KLHL25: variants seen among roughly 807,000 people sequenced by gnomAD.
KLHL25 encodes the protein kelch-like protein 25.
Under a neutral mutation model 30.0 loss-of-function variants are expected in KLHL25, and 41 were observed. That is an observed-to-expected ratio of 1.37 (90% confidence interval 1.07 to 1.78). The LOEUF is 1.78. Ranked by LOEUF, KLHL25 falls within the 40% of genes most tolerant of loss-of-function variation. The pLI is 0.00. For synonymous variants in KLHL25, 399 were observed against 355.3 expected (o/e 1.12, Z -1.38); for missense variants, 971 against 824.5 (o/e 1.18, Z -2.18).
intron 1 of KLHL25, among the ~76,000 whole-genome samples, chr15:85,792,817 G>A (rs1261898994): frequency 6.6e-6 from 1 of 152,116 alleles, no homozygotes; most frequent in African/African-American, 2.4e-5. Context: ...CTCTCCCCAG[G>A]AAGCCTTGCC....
intron 1 of KLHL25, among the ~76,000 whole-genome samples, chr15:85,786,004 G>C (rs2089778779): frequency 8.6e-6 from 1 of 116,706 alleles, no homozygotes; most frequent in African/African-American, 3.3e-5. Context: ...ACCAGCTCTA[G>C]AGTGAGATGC....
At chr15:85,782,340 T>C (rs958725554) in intron 1 of KLHL25, among the ~76,000 whole-genome samples, 1 of 152,038 alleles carries the variant, frequency 6.6e-6, no homozygotes, top group Non-Finnish European at 1.5e-5. Flanking sequence ...CAGGCCAGGT[T>C]ATGGTCAGGC....
At chr15:85,767,312 G>A (rs1178388979) in intron 2 of KLHL25, among the ~76,000 whole-genome samples, 3 of 151,998 alleles carry the variant, frequency 2.0e-5, no homozygotes, top group Non-Finnish European at 4.4e-5. Flanking sequence ...ACATTGCCCA[G>A]GCTGGTCTTG....
rs1321167490 is a variant in KLHL25 at position 85,768,466 on chromosome 15, A to C, written c.1345T>G (p.Phe449Val). ...TCCCGGTGGATGCTGGTTCCTCCGA[A>C]AACAAAGAGCTTCAGCTTGGCACTC... Reference protein sequence around the residue: ...VVSAKLKLFVFGGTSIHRDMV... With the variant: ...VVSAKLKLFVVGGTSIHRDMV... The change falls in exon 2 of 3, where the codon TTC (phenylalanine) becomes GTC (valine). Residue 449 changes from phenylalanine (F) to valine (V), a missense_variant. Phe to Val is a conservative substitution (Grantham distance 50). Transcript: ENST00000337975. 6.2e-7 allele frequency: 1 copy of C among 1,613,468 alleles called. No homozygotes were observed. The highest frequency in any genetic ancestry group is 8.5e-7 in the Non-Finnish European group (1 of 1,179,878).
At chr15:85,793,008 A>G (rs993858669) in intron 1 of KLHL25, among the ~76,000 whole-genome samples, 1 of 152,124 alleles carries the variant, frequency 6.6e-6, no homozygotes, top group Non-Finnish European at 1.5e-5. Flanking sequence ...GAATCAATCA[A>G]TCAATCAGTC....
At chr15:85,785,226 TG>T (rs1342218400) in intron 1 of KLHL25, among the ~76,000 whole-genome samples, 10 of 152,040 alleles carry the variant, frequency 6.6e-5, no homozygotes, top group African/African-American at 2.2e-4. Flanking sequence ...CCTGAGTAGC[TG>T]GAACTACAGG....
In KLHL25 at chr15:85,767,989, G is replaced by A. The variant is rs371179478; in HGVS notation, c.*24+28C>T. The A allele has an allele frequency of 5.7e-4, 839 of 1,460,306 alleles. 10 individuals carry two copies. The highest frequency in any genetic ancestry group is 2.0e-3 in the Middle Eastern group (10 of 4,966). The allele number at this position is 1,460,306 out of a possible 1,614,324, so 90.5% of individuals were successfully genotyped here. The stretch of plus-strand genomic sequence containing the variant: ...TTCCCCCATGACCTTTCCGGACCCA[G>A]AGTGGCCGTGGGCTGCCAGGGACTC... On this transcript the variant is annotated intron_variant, in intron 2 of 2. Coordinates refer to ENST00000337975, the MANE Select transcript of KLHL25 (RefSeq NM_022480.4).
intron 2 of KLHL25, among the ~76,000 whole-genome samples, chr15:85,765,198 TCC>T (rs1312676497): frequency 6.6e-6 from 1 of 152,094 alleles, no homozygotes; most frequent in Admixed American, 6.5e-5. Flanking sequence ...CAGGTGACAT[TCC>T]CCAGGTTTCT....
rs771261657 is a variant in KLHL25, at chr15:85,768,750, A to G, written c.1061T>C (p.Val354Ala). Residue 354 changes from valine to alanine, a missense_variant, in exon 2 of 3, where the codon GTC becomes GCC. Transcript: ENST00000337975. ...VTGGRGSENG[V>A]SKDVWVYDTV... ...GTCGTACACCCAGACATCCTTGGAG[A>G]CCCCGTTCTCGGAGCCCCTGCCCCC... 1.2e-6 allele frequency: 2 copies of G among 1,612,794 alleles called. No homozygotes were observed. Among genetic ancestry groups the G allele is most frequent in the Admixed American group, 1.7e-5 (1 of 60,006 alleles).
At position 85,768,632 on chromosome 15, in the gene KLHL25, C is replaced by A. The variant is rs2089642266; in HGVS notation, c.1179G>T (p.Val393=). The A allele has an allele frequency of 6.2e-7, 1 of 1,612,838 alleles. No individual in the cohort carries two copies. Among genetic ancestry groups the A allele is most frequent in the Non-Finnish European group, 8.5e-7 (1 of 1,179,244 alleles). ...SAELENCLYV[V]GGHTSLAGVF... Reference sequence around the variant, plus strand: ...CCCCTGCCAGGGATGTGTGTCCCCCCACCACATAGAGGCAGTTCTCCAGCT... The same window carrying A: ...CCCCTGCCAGGGATGTGTGTCCCCCAACCACATAGAGGCAGTTCTCCAGCT... The change falls in exon 2 of 3, where the codon GTG becomes GTT. Residue 393 remains valine, a synonymous_variant. Transcript: ENST00000337975.
At chr15:85,786,101 C>T (rs2089779619) in intron 1 of KLHL25, among the ~76,000 whole-genome samples, 1 of 152,200 alleles carries the variant, frequency 6.6e-6, no homozygotes, top group Non-Finnish European at 1.5e-5. Context: ...GAGGCCCCTC[C>T]CCTTTCCCTT....
At chr15:85,794,368 C>A (rs1327963805) in intron 1 of KLHL25, among the ~76,000 whole-genome samples, 1 of 152,226 alleles carries the variant, frequency 6.6e-6, no homozygotes, top group Non-Finnish European at 1.5e-5. Context: ...CGCGGGGCAT[C>A]GCCGCTCGCG....
In KLHL25 at chr15:85,768,302, G is replaced by C. The variant is rs1290902896; in HGVS notation, c.1509C>G (p.Phe503Leu). The C allele has an allele frequency of 3.1e-6, 5 of 1,613,912 alleles. No individual in the cohort carries two copies. Among genetic ancestry groups the C allele is most frequent in the Non-Finnish European group, 4.2e-6 (5 of 1,180,050 alleles). ...QIFIMGGDTE[F>L]TAASAYRFDC... Reference sequence around the variant, plus strand: ...CAAAGCGGTAGGCCGAGGCGGCTGTGAATTCCGTGTCACCTCCCATGATGA... The same window carrying C: ...CAAAGCGGTAGGCCGAGGCGGCTGTCAATTCCGTGTCACCTCCCATGATGA... The change falls in exon 2 of 3, where the codon TTC becomes TTG. Residue 503 changes from phenylalanine (F) to leucine (L), a missense_variant. Coordinates refer to ENST00000337975, the MANE Select transcript of KLHL25 (RefSeq NM_022480.4).
At position 85,767,999 on chromosome 15, in the gene KLHL25, G is replaced by A; in HGVS notation, c.*24+18C>T. 2.6e-6 allele frequency: 4 copies of A among 1,530,522 alleles called. No individual in the cohort carries two copies. Among genetic ancestry groups the A allele is most frequent in the Non-Finnish European group, 3.6e-6 (4 of 1,119,804 alleles). 94.8% of individuals were successfully genotyped at this position (1,530,522 alleles called of 1,614,324 possible). A position where few individuals can be genotyped will look rare whatever the true frequency, so the allele number is the denominator to read the frequency against. On this transcript the variant is annotated intron_variant, in intron 2 of 2. Coordinates refer to ENST00000337975, the MANE Select transcript of KLHL25 (RefSeq NM_022480.4). The stretch of plus-strand genomic sequence containing the variant: ...ACCTTTCCGGACCCAGAGTGGCCGT[G>A]GGCTGCCAGGGACTCACCTGGCTGG...
chr15:85,780,155 G>C (rs2089734338), intron 1 of KLHL25, among the ~76,000 whole-genome samples: 1 of 152,172 alleles, frequency 6.6e-6, no homozygotes, highest in African/African-American at 2.4e-5. Context: ...TGCTGCCCAG[G>C]CTTTCTCTGG....
At chr15:85,773,708 G>A (rs62025297) in intron 1 of KLHL25, among the ~76,000 whole-genome samples, 10 of 152,154 alleles carry the variant, frequency 6.6e-5, no homozygotes, top group Admixed American at 5.2e-4. Flanking sequence ...TTTGAGGAAC[G>A]AAGCAGGCCC....
intron 2 of KLHL25, among the ~76,000 whole-genome samples, chr15:85,766,994 ATT>A (rs35838334): frequency 2.8e-5 from 4 of 140,818 alleles, no homozygotes; most frequent in Admixed American, 7.0e-5. Context: ...GTTGGCGATC[ATT>A]TTTTTTTTTT....
chr15:85,786,272 T>C (rs1435025820), intron 1 of KLHL25, among the ~76,000 whole-genome samples: 3 of 152,156 alleles, frequency 2.0e-5, no homozygotes, highest in African/African-American at 7.2e-5. Context: ...CACAGGAGCC[T>C]CCTCTGAAGC....
rs2089642132 is a variant in KLHL25 at position 85,768,626 on chromosome 15, T to TA, written c.1184_1185insT (p.His396ThrfsTer71). ...GGAAGACCCCTGCCAGGGATGTGTG[T>TA]CCCCCCACCACATAGAGGCAGTTCT... On this transcript the variant is annotated frameshift_variant, in exon 2 of 3. Transcript: ENST00000337975. LOFTEE classifies it high-confidence loss of function. 6.2e-7 allele frequency: 1 copy of TA among 1,611,952 alleles called. No individual in the cohort carries two copies. Among genetic ancestry groups the TA allele is most frequent in the Non-Finnish European group, 8.5e-7 (1 of 1,178,822 alleles).
Sources: allele counts gnomAD v4.1 joint callset (sites outside exome capture counted in the v4.1 genomes callset), GRCh38; gene constraint gnomAD v4.1.1; transcripts MANE v1.5; gene names NCBI Gene and HGNC (gene_info 2026-07-23, HGNC 2026-07-21).